PLA2G6: variants seen among roughly 807,000 people sequenced by gnomAD.
PLA2G6 encodes the protein 85/88 kDa calcium-independent phospholipase A2.
PLA2G6 carries 62 observed loss-of-function variants against 83.8 expected under a neutral mutation model. The ratio of observed to expected loss-of-function variants is 0.74; its 90% confidence interval spans 0.60 to 0.91. The LOEUF (loss-of-function observed/expected upper bound fraction) is 0.91, where lower values mean the gene tolerates loss of function less well. PLA2G6 is among the 40% of genes least tolerant of loss of function. The probability of loss-of-function intolerance (pLI) is 0.00; values close to 1 mark genes in which losing one functional copy is unlikely to be tolerated. For missense variants in PLA2G6, 944 were observed against 1,102.0 expected (o/e 0.86, Z 2.03); for synonymous variants, 417 against 449.8 (o/e 0.93, Z 0.92).
At chr22:38,136,255 T>C (rs1160646503) in intron 5 of PLA2G6, 3 of 152,102 alleles carry the variant, frequency 2.0e-5, no homozygotes, top group African/African-American at 4.8e-5. Flanking sequence ...TTGGACAACA[T>C]TGTAAATGTG....
At chr22:38,181,125 CCT>C (rs1224786653) in intron 1 of PLA2G6, among the ~76,000 whole-genome samples, 1 of 152,108 alleles carries the variant, frequency 6.6e-6, no homozygotes, top group African/African-American at 2.4e-5. Flanking sequence ...TCACATGCTC[CCT>C]GTCACCAGCT....
intron 2 of PLA2G6, among the ~76,000 whole-genome samples, chr22:38,153,511 C>A (rs2089657512): frequency 6.6e-6 from 1 of 151,974 alleles, no homozygotes. Context: ...TGGCAGGCAC[C>A]TGTAATCCCA....
Position 38,179,865 on chromosome 22 carries a change from C to T in PLA2G6, c.-46+1799G>A, listed in dbSNP as rs149824140. Among the ~76,000 whole-genome samples, 522 of 151,946 alleles carry T rather than the reference C, an allele frequency of 3.4e-3. 4 individuals are homozygous for T. The highest frequency in any genetic ancestry group is 0.012 in the African/African-American group (503 of 41,430). Reference sequence around the variant, plus strand: ...GCAACTAGATTTGAGTATGTCATTCCAGGGAAAGGTCTGGACTGGACTGGG... The same window carrying T: ...GCAACTAGATTTGAGTATGTCATTCTAGGGAAAGGTCTGGACTGGACTGGG... On this transcript the variant is annotated intron_variant, in intron 1 of 16. Transcript: ENST00000332509.
chr22:38,113,471 AG>A lies in PLA2G6; in HGVS notation c.2202+15del. ...GACCCTGAGGGAAGTGGCCTGGGGG[AG>A]GGGCCCACACTCACACAGTCCACCA... On this transcript the variant is annotated intron_variant, in intron 15 of 16. Coordinates refer to ENST00000332509, the MANE Select transcript of PLA2G6 (RefSeq NM_003560.4). 6.2e-7 allele frequency: 1 copy of A among 1,612,610 alleles called. No individual in the cohort carries two copies. The highest frequency in any genetic ancestry group is 1.1e-5 in the South Asian group (1 of 91,064).
intron 7 of PLA2G6, chr22:38,130,982 C>G (rs1385488222): frequency 6.6e-6 from 1 of 152,194 alleles, no homozygotes. Context: ...GCCTGGGCAA[C>G]AAAAGCGAAA....
chr22:38,181,251 G>GA (rs1038148343), intron 1 of PLA2G6, among the ~76,000 whole-genome samples: 5 of 152,136 alleles, frequency 3.3e-5, no homozygotes, highest in African/African-American at 1.2e-4. Context: ...GGAGGCACGC[G>GA]AGAGAGGAAA....
rs1477656610 is a variant in PLA2G6, at chr22:38,128,431, C to T, written c.1187-1G>A. 2 of 1,614,020 alleles carry T rather than the reference C, an allele frequency of 1.2e-6. No homozygotes were observed. The highest frequency in any genetic ancestry group is 8.5e-7 in the Non-Finnish European group (1 of 1,179,968). ...GTCAAGATCGCCTTCCTGGTGACAA[C>T]TTGTCATGGTTTGGGGAAGGGGAGA... On this transcript the variant is annotated splice_acceptor_variant, in intron 8 of 16. Transcript: ENST00000332509. LOFTEE classifies it high-confidence loss of function. The surrounding 1 kb of genome is among the most constrained non-coding windows in gnomAD (Gnocchi z 4.4).
At position 38,115,662 on chromosome 22, in the gene PLA2G6, C is replaced by T. The variant is rs200280060; in HGVS notation, c.1899G>A (p.Ala633=). The T allele has an allele frequency of 1.8e-5, 28 of 1,541,386 alleles. No homozygotes were observed. Among genetic ancestry groups the T allele is most frequent in the Middle Eastern group, 2.1e-4 (1 of 4,814 alleles). Residue 633 remains alanine, a synonymous_variant, in exon 14 of 17, where the codon GCG becomes GCA. Transcript: ENST00000332509. ...TAGGAGCTGCCCCGCTGCTTCGGGC[C>T]GCCCGCCACACCAGCTGGTCTAGGG... The part of the protein sequence containing the change: ...AQPSDQLVWR[A]ARSSGAAPTY...
At chr22:38,163,025 G>A (rs571528326) in intron 2 of PLA2G6, among the ~76,000 whole-genome samples, 1 of 152,144 alleles carries the variant, frequency 6.6e-6, no homozygotes, top group Non-Finnish European at 1.5e-5. Context: ...TGGGGTGGGA[G>A]GGGTCTGTGG....
At chr22:38,113,901 A>G (rs2087031062) in intron 14 of PLA2G6, 2 of 619,848 alleles carry the variant, frequency 3.2e-6, no homozygotes, top group Non-Finnish European at 6.1e-6. Flanking sequence ...AGGACCACAC[A>G]TACACCAGCT....
intron 1 of PLA2G6, among the ~76,000 whole-genome samples, chr22:38,170,424 C>A (rs561076718): frequency 6.6e-6 from 1 of 151,964 alleles, no homozygotes; most frequent in Non-Finnish European, 1.5e-5. Context: ...GAACGAACTG[C>A]ACCTTCTGCA....
At chr22:38,167,408 A>T (rs2090262703) in intron 2 of PLA2G6, among the ~76,000 whole-genome samples, 1 of 152,086 alleles carries the variant, frequency 6.6e-6, no homozygotes, top group African/African-American at 2.4e-5. Context: ...TTTACAACTG[A>T]CAGAACTTGG....
Position 38,128,296 on chromosome 22 carries a change from G to A in PLA2G6, c.1321C>T (p.Pro441Ser). Reference protein sequence around the residue: ...HHPFSLERAQPPPISLNNLEL... With the variant: ...HHPFSLERAQSPPISLNNLEL... ...AGGTTGTTTAGGCTGATCGGTGGGG[G>A]CTGAGCTCTTTCCAGGGAGAAGGGA... Residue 441 changes from proline (P) to serine (S), a missense_variant, in exon 9 of 17, where the codon CCC (proline) becomes TCC (serine). Transcript: ENST00000332509. The surrounding 1 kb of genome is among the most constrained non-coding windows in gnomAD (Gnocchi z 4.4). 8 of 1,612,860 alleles carry A rather than the reference G, an allele frequency of 5.0e-6. No individual in the cohort carries two copies. The highest frequency in any genetic ancestry group is 1.7e-5 in the Admixed American group (1 of 60,026).
At position 38,145,500 on chromosome 22, in the gene PLA2G6, T is replaced by C; in HGVS notation, c.363A>G (p.Ser121=). The part of the protein sequence containing the change: ...TDLIRNHPSW[S]VAHLAVELGI... ...CTAGCTCCACAGCCAGGTGGGCCAC[T>C]GACCAGCTGGGGTGGTTACGGATGA... The change falls in exon 3 of 17, where the codon TCA becomes TCG. Residue 121 remains serine (S), a synonymous_variant. Coordinates refer to ENST00000332509, the MANE Select transcript of PLA2G6 (RefSeq NM_003560.4). 1 of 1,612,996 alleles carries C rather than the reference T, an allele frequency of 6.2e-7. No homozygotes were observed. The highest frequency in any genetic ancestry group is 1.1e-5 in the South Asian group (1 of 90,746).
intron 2 of PLA2G6, among the ~76,000 whole-genome samples, chr22:38,152,276 C>CTGCAA (rs2089596647): frequency 6.6e-6 from 1 of 151,944 alleles, no homozygotes; most frequent in African/African-American, 2.4e-5. Flanking sequence ...TCTTGGCTCA[C>CTGCAA]TGCAACCTCC....
At chr22:38,177,382 C>T (rs1305458255) in intron 1 of PLA2G6, among the ~76,000 whole-genome samples, 1 of 152,102 alleles carries the variant, frequency 6.6e-6, no homozygotes, top group Non-Finnish European at 1.5e-5. Context: ...CATCCCCTCA[C>T]ACCCCATCAG....
intron 2 of PLA2G6, among the ~76,000 whole-genome samples, chr22:38,155,945 G>A (rs2089761079): frequency 6.6e-6 from 1 of 152,122 alleles, no homozygotes; most frequent in South Asian, 2.1e-4. Flanking sequence ...CACTTTACCT[G>A]TAAAGACACA....
rs905074314 is a variant in PLA2G6, at chr22:38,132,513, C to T, written c.1077+318G>A. On this transcript the variant is annotated intron_variant, in intron 7 of 16. Transcript: ENST00000332509. This position sits in a 1 kb window ranked among gnomAD's most constrained non-coding sequence, Gnocchi z 5.0. ...TTCCAGATGAGGAAATCGAGGCTGA[C>T]AGGTGACATGGCTTGCTCAGGGCCA... The T allele has an allele frequency of 2.7e-5, 13 of 478,412 alleles. No individual in the cohort carries two copies. Among genetic ancestry groups the T allele is most frequent in the South Asian group, 5.1e-5 (2 of 39,368 alleles). 29.6% of individuals were successfully genotyped at this position (478,412 alleles called of 1,614,324 possible).
At position 38,153,712 on chromosome 22, in the gene PLA2G6, A is replaced by G. The variant is rs1602217956; in HGVS notation, c.210-8059T>C. On this transcript the variant is annotated intron_variant, in intron 2 of 16. Coordinates refer to ENST00000332509, the MANE Select transcript of PLA2G6 (RefSeq NM_003560.4). ...CTGGAGGAAAACCAAATTGAACTATACACACAAAAAAGTACCTTCATAAAA... is the reference window on the plus strand; with the variant it reads ...CTGGAGGAAAACCAAATTGAACTATGCACACAAAAAAGTACCTTCATAAAA... Among the ~76,000 whole-genome samples, 4 of 152,126 alleles carry G rather than the reference A, an allele frequency of 2.6e-5. No homozygotes were observed. In the South Asian group the frequency reaches 8.3e-4, roughly 31 times the overall value.
Sources: allele counts gnomAD v4.1 joint callset (sites outside exome capture counted in the v4.1 genomes callset), GRCh38; gene constraint gnomAD v4.1.1; non-coding constraint Gnocchi (gnomAD v3.1); transcripts MANE v1.5; gene names NCBI Gene and HGNC (gene_info 2026-07-23, HGNC 2026-07-21).